CALCRL: variants seen among roughly 807,000 people sequenced by gnomAD.
CALCRL encodes the protein calcitonin gene-related peptide type 1 receptor.
A neutral mutation model predicts 60.4 loss-of-function variants in CALCRL; 27 were observed. The ratio of observed to expected loss-of-function variants is 0.45; its 90% CI spans 0.33 to 0.62. The LOEUF is 0.62. Ranked by LOEUF, CALCRL falls within the 20% of genes least tolerant of loss-of-function variation. The pLI, the probability that CALCRL is intolerant of heterozygous loss-of-function variation, is 0.03. For missense variants in CALCRL, 424 were observed against 540.7 expected (o/e 0.78, Z 2.14); for synonymous variants, 190 against 182.6 (o/e 1.04, Z -0.33).
chr2:187,385,901 C>T (rs1688186443), intron 3 of CALCRL, among the ~76,000 whole-genome samples: 1 of 152,104 alleles, frequency 6.6e-6, no homozygotes, highest in Non-Finnish European at 1.5e-5. Context: ...AGGTGAGCGC[C>T]ACCACACCCA....
chr2:187,385,637 A>G lies in CALCRL; in HGVS notation c.-36-6T>C. 1 of 1,372,072 alleles carries G rather than the reference A, an allele frequency of 7.3e-7. No homozygotes were observed. The highest frequency in any genetic ancestry group is 2.4e-5 in the East Asian group (1 of 42,510). The allele number at this position is 1,372,072 out of a possible 1,614,324, so 85.0% of individuals were successfully genotyped here. A position where few individuals can be genotyped will look rare whatever the true frequency, so the allele number is the denominator to read the frequency against. ...AATATGCTGTATAACATAAACTGCA[A>G]CAGAAAATAAAAGAAATATAATTCA... On this transcript the variant is annotated splice_region_variant and splice_polypyrimidine_tract_variant and intron_variant, in intron 3 of 14. Coordinates refer to ENST00000392370, the MANE Select transcript of CALCRL (RefSeq NM_005795.6).
chr2:187,358,779 A>G (rs1406145), intron 12 of CALCRL, among the ~76,000 whole-genome samples: 1,911 of 152,208 alleles, frequency 0.013, 46 homozygotes, highest in African/African-American at 0.043. Flanking sequence ...ACTCCTCCCA[A>G]TGCTCATTTC....
At chr2:187,371,905 T>C (rs1687542216) in intron 8 of CALCRL, among the ~76,000 whole-genome samples, 2 of 152,164 alleles carry the variant, frequency 1.3e-5, no homozygotes, top group African/African-American at 2.4e-5. Flanking sequence ...AAAATGAGAA[T>C]TTTGGTCATT....
At chr2:187,367,274 T>G (rs1687339660) in intron 8 of CALCRL, among the ~76,000 whole-genome samples, 1 of 152,150 alleles carries the variant, frequency 6.6e-6, no homozygotes, top group African/African-American at 2.4e-5. Flanking sequence ...GCTGCCCAAA[T>G]TTTAGTAAAC....
intron 4 of CALCRL, among the ~76,000 whole-genome samples, chr2:187,384,646 A>G (rs1489397392): frequency 6.6e-6 from 1 of 152,124 alleles, no homozygotes; most frequent in Non-Finnish European, 1.5e-5. Context: ...TCAAATACAA[A>G]TGCGGACAGG....
At chr2:187,368,292 TTTAGG>T (rs1687381633) in intron 8 of CALCRL, among the ~76,000 whole-genome samples, 1 of 152,090 alleles carries the variant, frequency 6.6e-6, no homozygotes, top group Non-Finnish European at 1.5e-5. Context: ...TCTAATGGTT[TTTAGG>T]TACAAATACT....
chr2:187,369,823 C>A (rs1574235932), intron 8 of CALCRL, among the ~76,000 whole-genome samples: 3 of 152,224 alleles, frequency 2.0e-5, no homozygotes, highest in Admixed American at 2.0e-4. Context: ...ACTTAACATA[C>A]AGTTGAAACA....
intron 12 of CALCRL, among the ~76,000 whole-genome samples, chr2:187,357,914 A>T (rs920535996): frequency 4.6e-5 from 7 of 152,204 alleles, no homozygotes; most frequent in African/African-American, 1.7e-4. Context: ...CGTTCTGCAC[A>T]TGTATCCCAG....
intron 1 of CALCRL, among the ~76,000 whole-genome samples, chr2:187,443,665 CAAT>C (rs1691033143): frequency 6.6e-6 from 1 of 151,584 alleles, no homozygotes; most frequent in Admixed American, 6.6e-5. Context: ...ACTAATAAAA[CAAT>C]AAACATGTTA....
At position 187,395,142 on chromosome 2, in the gene CALCRL, G is replaced by A. The variant is rs564548679; in HGVS notation, c.-292-7386C>T. 3.1e-4 allele frequency among the ~76,000 whole-genome samples: 47 copies of A among 152,112 alleles called. No individual in the cohort carries two copies. The South Asian group carries it at 8.1e-3, about 26-fold the overall frequency. On this transcript the variant is annotated intron_variant, in intron 1 of 14. Transcript: ENST00000392370. The stretch of plus-strand genomic sequence containing the variant: ...AATCCAGCATGCAAATTGTGACTTG[G>A]CCAAAGTCACAAAGATGCTTAGGTC...
chr2:187,425,501 T>C (rs559710385), intron 1 of CALCRL, among the ~76,000 whole-genome samples: 42 of 152,074 alleles, frequency 2.8e-4, no homozygotes, highest in African/African-American at 9.6e-4. Context: ...ATACATGTAA[T>C]ATTAGGTTGC....
intron 4 of CALCRL, among the ~76,000 whole-genome samples, chr2:187,385,249 G>A (rs976124239): frequency 2.0e-5 from 3 of 151,958 alleles, no homozygotes; most frequent in Non-Finnish European, 4.4e-5. Context: ...TCTCTACTAT[G>A]TACAACATGT....
chr2:187,356,431 G>T (rs757799551), intron 12 of CALCRL, among the ~76,000 whole-genome samples: 1 of 152,150 alleles, frequency 6.6e-6, no homozygotes, highest in Non-Finnish European at 1.5e-5. Flanking sequence ...AATAAATGGT[G>T]TTGGGAAAAC....
At chr2:187,370,551 T>G (rs181787920) in intron 8 of CALCRL, among the ~76,000 whole-genome samples, 98 of 152,284 alleles carry the variant, frequency 6.4e-4, no homozygotes, top group Middle Eastern at 6.8e-3. Context: ...ATCAAATATA[T>G]CTGTAGGAAT....
At chr2:187,390,487 T>C (rs1004247385) in intron 1 of CALCRL, among the ~76,000 whole-genome samples, 1 of 139,472 alleles carries the variant, frequency 7.2e-6, no homozygotes, top group African/African-American at 2.5e-5. Flanking sequence ...TCTGAAGGTT[T>C]TCCAAACCCC....
chr2:187,433,370 G>A (rs1448218888), intron 1 of CALCRL, among the ~76,000 whole-genome samples: 1 of 152,002 alleles, frequency 6.6e-6, no homozygotes, highest in Non-Finnish European at 1.5e-5. Flanking sequence ...ATCAGAAAAT[G>A]TATTGATGAG....
At chr2:187,422,571 CTAA>C (rs1246080271) in intron 1 of CALCRL, among the ~76,000 whole-genome samples, 1 of 151,974 alleles carries the variant, frequency 6.6e-6, no homozygotes, top group African/African-American at 2.4e-5. Context: ...TCAAATTTGT[CTAA>C]TAATAGTGAG....
At chr2:187,352,424 A>G (rs1482452064) in intron 12 of CALCRL, 92 bp from the exon 13 acceptor site, 5 of 716,240 alleles carry the variant, frequency 7.0e-6, no homozygotes, top group Non-Finnish European at 7.1e-6. Flanking sequence ...AAATCTTAAA[A>G]TATTTTTAAT....
chr2:187,361,696 A>G (rs896666107), intron 9 of CALCRL, among the ~76,000 whole-genome samples: 17 of 151,948 alleles, frequency 1.1e-4, no homozygotes, highest in Admixed American at 2.0e-4. Flanking sequence ...CGGTAGTCCT[A>G]TGAGGTGTAC....
Sources: gnomAD v4.1 joint callset for allele counts (sites outside exome capture counted in the v4.1 genomes callset) on GRCh38, gnomAD v4.1.1 for gene constraint, MANE v1.5 for transcripts, NCBI Gene and HGNC (gene_info 2026-07-23, HGNC 2026-07-21) for gene names.